The following CADPS variants were observed in gnomAD, a reference collection of about 807,000 sequenced individuals.
CADPS encodes the protein calcium-dependent secretion activator 1.
CADPS carries 57 observed loss-of-function variants against 167.3 expected under a neutral mutation model. That is an observed-to-expected ratio of 0.34 (90% confidence interval 0.28 to 0.42). The LOEUF is 0.42. Among genes scored for constraint, CADPS ranks in the 20% least tolerant of loss-of-function variants. The pLI is 1.00. For missense variants in CADPS, 1,414 were observed against 1,738.1 expected (o/e 0.81, Z 3.32); for synonymous variants, 676 against 635.3 (o/e 1.06, Z -0.96).
chr3:62,422,405 G>A (rs534677308), intron 28 of CADPS, among the ~76,000 whole-genome samples: 1 of 152,366 alleles, frequency 6.6e-6, no homozygotes, highest in South Asian at 2.1e-4. Flanking sequence ...TTGGCTAACA[G>A]CTGACGATCT....
At chr3:62,575,870 G>A (rs967783544) in intron 8 of CADPS, among the ~76,000 whole-genome samples, 4 of 152,202 alleles carry the variant, frequency 2.6e-5, no homozygotes, top group African/African-American at 9.7e-5. Context: ...AAGTCTGCTT[G>A]AGGGAGGGGC....
intron 3 of CADPS, among the ~76,000 whole-genome samples, chr3:62,750,555 T>C (rs2082482712): frequency 6.6e-6 from 1 of 152,296 alleles, no homozygotes; most frequent in African/African-American, 2.4e-5. Flanking sequence ...CTTTTGGTAT[T>C]TGTTTTCATT....
chr3:62,769,176 A>G (rs2087790739), intron 1 of CADPS, among the ~76,000 whole-genome samples: 1 of 152,152 alleles, frequency 6.6e-6, no homozygotes, highest in African/African-American at 2.4e-5. Flanking sequence ...AGAACTTAGC[A>G]CAGGATGAAT....
intron 16 of CADPS, among the ~76,000 whole-genome samples, chr3:62,513,150 G>A (rs2068214711): frequency 6.6e-6 from 1 of 152,052 alleles, no homozygotes; most frequent in Non-Finnish European, 1.5e-5. Flanking sequence ...CAGACAGGAG[G>A]CATATAAGAT....
intron 28 of CADPS, among the ~76,000 whole-genome samples, chr3:62,428,526 G>A (rs1337893118): frequency 6.6e-6 from 1 of 152,072 alleles, no homozygotes; most frequent in African/African-American, 2.4e-5. Context: ...ATTGCATGGA[G>A]TCCTCCAAAC....
chr3:62,683,577 G>A (rs965777579), intron 3 of CADPS, among the ~76,000 whole-genome samples: 1 of 152,022 alleles, frequency 6.6e-6, no homozygotes, highest in Non-Finnish European at 1.5e-5. Flanking sequence ...TGGCACATTT[G>A]TCAAAACATA....
intron 3 of CADPS, among the ~76,000 whole-genome samples, chr3:62,717,600 G>A (rs920665259): frequency 6.6e-6 from 1 of 151,838 alleles, no homozygotes; most frequent in Non-Finnish European, 1.5e-5. Flanking sequence ...CATTCTTATT[G>A]GCCTTGTTTC....
At chr3:62,763,171 C>A (rs927808062) in intron 2 of CADPS, among the ~76,000 whole-genome samples, 1 of 152,154 alleles carries the variant, frequency 6.6e-6, no homozygotes, top group African/African-American at 2.4e-5. Context: ...GTCTATTTCA[C>A]CCCCATCCAC....
intron 2 of CADPS, among the ~76,000 whole-genome samples, chr3:62,760,553 T>C (rs2085149141): frequency 6.6e-6 from 1 of 152,072 alleles, no homozygotes; most frequent in African/African-American, 2.4e-5. Flanking sequence ...CACCTGGCCT[T>C]GGACACTAAA....
intron 6 of CADPS, among the ~76,000 whole-genome samples, chr3:62,609,329 T>C (rs1179599705): frequency 6.6e-6 from 1 of 152,124 alleles, no homozygotes; most frequent in Non-Finnish European, 1.5e-5. Flanking sequence ...TACAGTTAAG[T>C]CCATGTGGAG....
At chr3:62,637,277 G>A (rs1172902704) in intron 6 of CADPS, among the ~76,000 whole-genome samples, 1 of 152,178 alleles carries the variant, frequency 6.6e-6, no homozygotes, top group Non-Finnish European at 1.5e-5. Flanking sequence ...GTGAAACTGT[G>A]ATTTAAACCC....
At chr3:62,701,776 C>T (rs999609350) in intron 3 of CADPS, among the ~76,000 whole-genome samples, 1 of 152,024 alleles carries the variant, frequency 6.6e-6, no homozygotes, top group African/African-American at 2.4e-5. Flanking sequence ...GTAGAGCCTT[C>T]TATTCCCTGG....
At position 62,602,442 on chromosome 3, in the gene CADPS, T is replaced by C. The variant is rs544469134; in HGVS notation, c.1326-9694A>G. The stretch of plus-strand genomic sequence containing the variant: ...GCTTTAACAAGAGAGAAGTGTCATT[T>C]CAAGGAATGAAAGTGCCGTGGTCCT... On this transcript the variant is annotated intron_variant, in intron 6 of 29. Transcript: ENST00000383710. The surrounding 1 kb of genome is among the most constrained non-coding windows in gnomAD (Gnocchi z 4.4). 6.6e-6 allele frequency among the ~76,000 whole-genome samples: 1 copy of C among 152,262 alleles called. No homozygotes were observed. The highest frequency in any genetic ancestry group is 6.5e-5 in the Admixed American group (1 of 15,286).
chr3:62,871,150 C>T (rs2082564510), intron 1 of CADPS, among the ~76,000 whole-genome samples: 1 of 152,148 alleles, frequency 6.6e-6, no homozygotes, highest in South Asian at 2.1e-4. Flanking sequence ...TGTTGGAATG[C>T]TCTTTTTCTC....
chr3:62,862,512 G>T (rs2153188554), intron 1 of CADPS, among the ~76,000 whole-genome samples: 1 of 152,188 alleles, frequency 6.6e-6, no homozygotes, highest in African/African-American at 2.4e-5. Context: ...CCCTGCCAAG[G>T]TTTAAGTTTT....
intron 17 of CADPS, among the ~76,000 whole-genome samples, chr3:62,507,388 T>C (rs2066886074): frequency 6.6e-6 from 1 of 152,132 alleles, no homozygotes; most frequent in African/African-American, 2.4e-5. Flanking sequence ...CAGATTGTGA[T>C]TGCTTGTTTC....
rs2055560835 is a variant in CADPS, at chr3:62,438,255, C to T, written c.3670-44G>A. 1 of 1,402,666 alleles carries T rather than the reference C, an allele frequency of 7.1e-7. No homozygotes were observed. The highest frequency in any genetic ancestry group is 1.7e-5 in the Admixed American group (1 of 59,492). The allele number at this position is 1,402,666 out of a possible 1,614,324, so 86.9% of individuals were successfully genotyped here. On this transcript the variant is annotated intron_variant, in intron 27 of 29. Transcript: ENST00000383710. The surrounding 1 kb of genome is among the most constrained non-coding windows in gnomAD (Gnocchi z 4.7). ...ACATGAAAACGAATTTTCAGACAGC[C>T]ACTCTTCCTTGTTTACCATTCACTT...
At chr3:62,439,223 G>A (rs1309871793) in intron 27 of CADPS, 1 of 152,270 alleles carries the variant, frequency 6.6e-6, no homozygotes, top group East Asian at 1.9e-4. Flanking sequence ...TCTACTAGAC[G>A]TGACTGTCAG....
At chr3:62,502,790 T>C (rs1260767917) in intron 17 of CADPS, among the ~76,000 whole-genome samples, 1 of 152,102 alleles carries the variant, frequency 6.6e-6, no homozygotes, top group Non-Finnish European at 1.5e-5. Context: ...TATAACATGC[T>C]GGTCTGTGTT....
Sources: allele counts gnomAD v4.1 joint callset (sites outside exome capture counted in the v4.1 genomes callset), GRCh38; gene constraint gnomAD v4.1.1; non-coding constraint Gnocchi (gnomAD v3.1); transcripts MANE v1.5; gene names NCBI Gene and HGNC (gene_info 2026-07-23, HGNC 2026-07-21).